PI4K2B: variants seen among roughly 807,000 people sequenced by gnomAD.
PI4K2B encodes the protein phosphatidylinositol 4-kinase type 2-beta.
A neutral mutation model predicts 56.6 loss-of-function variants in PI4K2B; 46 were observed. The ratio of observed to expected loss-of-function variants is 0.81; its 90% CI spans 0.64 to 1.04. PI4K2B has a LOEUF of 1.04. PI4K2B is among the 50% of genes least tolerant of loss of function. The probability of loss-of-function intolerance (pLI) is 0.00; values close to 1 mark genes in which losing one functional copy is unlikely to be tolerated. For missense variants in PI4K2B, 556 were observed against 607.7 expected (o/e 0.91, Z 0.89); for synonymous variants, 211 against 223.8 (o/e 0.94, Z 0.51).
At chr4:25,276,583 A>G (rs1445139001) in intron 9 of PI4K2B, 3 of 860,614 alleles carry the variant, frequency 3.5e-6, no homozygotes, top group Non-Finnish European at 4.2e-6. Context: ...CCTCGCACAT[A>G]GTAGGCATAC....
Position 25,252,470 on chromosome 4 carries a change from A to C in PI4K2B, c.418A>C (p.Lys140Gln). ...SSGSYFVKDP[K>Q]RKIIGVFKPK... ...TGGAAGTTACTTTGTGAAGGATCCT[A>C]AGAGGGTGAGAATTTCACAGACCTA... The change falls in exon 2 of 10, where the codon AAG becomes CAG. Residue 140 changes from lysine to glutamine, a missense_variant. Transcript: ENST00000264864. 2 of 1,604,972 alleles carry C rather than the reference A, an allele frequency of 1.2e-6. No homozygotes were observed. Among genetic ancestry groups the C allele is most frequent in the Non-Finnish European group, 1.7e-6 (2 of 1,171,950 alleles).
At chr4:25,237,698 C>T (rs1212745133) in intron 1 of PI4K2B, among the ~76,000 whole-genome samples, 3 of 152,184 alleles carry the variant, frequency 2.0e-5, no homozygotes, top group Non-Finnish European at 2.9e-5. Context: ...AGAGGCTGGG[C>T]ATGGTGGCTT....
Position 25,234,605 on chromosome 4 carries a change from G to C in PI4K2B, c.268+174G>C, listed in dbSNP as rs1715166750. ...GCCGCAGCCGCACCGCGGGCACCTA[G>C]CTTGCTCGCTCTTTCTCCGGGAGCT... On this transcript the variant is annotated intron_variant, in intron 1 of 9. Transcript: ENST00000264864. Among the ~76,000 whole-genome samples the C allele has an allele frequency of 3.3e-5, 5 of 152,238 alleles. No homozygotes were observed. In the South Asian group the frequency reaches 6.2e-4, roughly 19 times the overall value.
Position 25,255,103 on chromosome 4 carries a change from T to C in PI4K2B, c.462T>C (p.Pro154=), listed in dbSNP as rs113441681. The C allele has an allele frequency of 6.2e-7, 1 of 1,614,040 alleles. No individual in the cohort carries two copies. Among genetic ancestry groups the C allele is most frequent in the Non-Finnish European group, 8.5e-7 (1 of 1,179,902 alleles). ...TGTTTAAACCCAAATCAGAAGAGCC[T>C]TATGGTCAACTCAATCCAAAATGGA... ...IGVFKPKSEE[P]YGQLNPKWTK... Residue 154 remains proline, a synonymous_variant, in exon 3 of 10, where the codon CCT becomes CCC. Coordinates refer to ENST00000264864, the MANE Select transcript of PI4K2B (RefSeq NM_018323.4).
chr4:25,255,308 A>G (rs1327486831), intron 3 of PI4K2B, 43 bp downstream of exon 3: 1 of 1,457,788 alleles, frequency 6.9e-7, no homozygotes, highest in Non-Finnish European at 9.6e-7. Context: ...TTAATTTACA[A>G]CCTGCTTATA....
intron 7 of PI4K2B, among the ~76,000 whole-genome samples, chr4:25,266,755 T>C (rs924476964): frequency 2.6e-5 from 4 of 152,240 alleles, no homozygotes; most frequent in African/African-American, 9.6e-5. Context: ...TTTCTTTCTT[T>C]TTTTTGGTTT....
At chr4:25,242,445 A>C (rs1715566549) in intron 1 of PI4K2B, among the ~76,000 whole-genome samples, 1 of 152,240 alleles carries the variant, frequency 6.6e-6, no homozygotes, top group Non-Finnish European at 1.5e-5. Flanking sequence ...ACTGGGAGTC[A>C]GAGTGCAGGG....
rs376729377 is a variant in PI4K2B at position 25,254,659 on chromosome 4, C to T, written c.424-406C>T. 3.6e-3 allele frequency among the ~76,000 whole-genome samples: 543 copies of T among 152,136 alleles called. 3 individuals are homozygous for T. The highest frequency in any genetic ancestry group is 0.012 in the African/African-American group (495 of 41,482). On this transcript the variant is annotated intron_variant, in intron 2 of 9. Coordinates refer to ENST00000264864, the MANE Select transcript of PI4K2B (RefSeq NM_018323.4). ...CGATCTCCTGACCTCATGATCCGCC[C>T]GCCTCGGCCTCCCAAAGTGCTGGAT...
chr4:25,242,004 G>T (rs1715546379), intron 1 of PI4K2B, among the ~76,000 whole-genome samples: 1 of 152,146 alleles, frequency 6.6e-6, no homozygotes, highest in African/African-American at 2.4e-5. Flanking sequence ...TGTATCCAGG[G>T]ATGCATAGTC....
At chr4:25,252,846 C>A (rs997899068) in intron 2 of PI4K2B, among the ~76,000 whole-genome samples, 2 of 152,172 alleles carry the variant, frequency 1.3e-5, no homozygotes, top group Non-Finnish European at 1.5e-5. Context: ...AACTCCTGGG[C>A]TCAAGCAAAC....
At chr4:25,256,251 C>G (rs912552903) in intron 3 of PI4K2B, among the ~76,000 whole-genome samples, 2 of 152,196 alleles carry the variant, frequency 1.3e-5, no homozygotes, top group South Asian at 2.1e-4. Flanking sequence ...TTACTTGAAG[C>G]CTTCTTCCTT....
At chr4:25,268,630 A>G (rs776108858) in intron 8 of PI4K2B, 54 bp downstream of exon 8, 9 of 1,268,758 alleles carry the variant, frequency 7.1e-6, no homozygotes, top group Non-Finnish European at 9.9e-6. Flanking sequence ...AAAATAGAAG[A>G]GACTGCTTAA....
chr4:25,252,235 C>A, intron 1 of PI4K2B, 86 bp from the exon 2 acceptor site: 1 of 854,512 alleles, frequency 1.2e-6, no homozygotes, highest in Non-Finnish European at 1.8e-6. Flanking sequence ...TTTTTCTGTA[C>A]CTTATATCCT....
At position 25,236,689 on chromosome 4, in the gene PI4K2B, AAGTCAAATATCC is replaced by A. The variant is rs1170432680; in HGVS notation, c.268+2261_268+2272del. ...TCTTCAGAGGTAAATGGTTTGCCCGAAGTCAAATATCCAGGAAGTAATAAATCAGGAGGAAGC... is the reference window on the plus strand; with the variant it reads ...TCTTCAGAGGTAAATGGTTTGCCCGAAGGAAGTAATAAATCAGGAGGAAGC... On this transcript the variant is annotated intron_variant, in intron 1 of 9. Coordinates refer to ENST00000264864, the MANE Select transcript of PI4K2B (RefSeq NM_018323.4). 2.0e-5 allele frequency among the ~76,000 whole-genome samples: 3 copies of A among 152,204 alleles called. No homozygotes were observed. In the East Asian group the frequency reaches 5.8e-4, roughly 29 times the overall value.
In PI4K2B at chr4:25,277,312, T is replaced by C; in HGVS notation, c.*125T>C. 8.6e-7 allele frequency: 1 copy of C among 1,168,128 alleles called. No individual in the cohort carries two copies. Among genetic ancestry groups the C allele is most frequent in the African/African-American group, 1.5e-5 (1 of 65,752 alleles). The allele number at this position is 1,168,128 out of a possible 1,614,324, so 72.4% of individuals were successfully genotyped here. A position where few individuals can be genotyped will look rare whatever the true frequency, so the allele number is the denominator to read the frequency against. On this transcript the variant is annotated 3_prime_UTR_variant, in exon 10 of 10. Coordinates refer to ENST00000264864, the MANE Select transcript of PI4K2B (RefSeq NM_018323.4). Reference sequence around the variant, plus strand: ...CTCAATTTAAGTCTTTAAAAGGTTGTATTTTGAATGTAACCAAAAGTTTAC... The same window carrying C: ...CTCAATTTAAGTCTTTAAAAGGTTGCATTTTGAATGTAACCAAAAGTTTAC...
At chr4:25,258,852 T>C (rs1340912642) in intron 4 of PI4K2B, among the ~76,000 whole-genome samples, 185 bp from the exon 5 acceptor site, 1 of 152,224 alleles carries the variant, frequency 6.6e-6, no homozygotes, top group Non-Finnish European at 1.5e-5. Context: ...ATGTATTCTT[T>C]ATGTGATTAT....
intron 7 of PI4K2B, among the ~76,000 whole-genome samples, chr4:25,264,334 T>C (rs1577694326): frequency 6.6e-6 from 1 of 152,176 alleles, no homozygotes; most frequent in East Asian, 1.9e-4. Context: ...AAATTTTCCA[T>C]GATTTCTTGA....
intron 9 of PI4K2B, among the ~76,000 whole-genome samples, chr4:25,274,473 T>C (rs1028765938): frequency 6.6e-6 from 1 of 152,190 alleles, no homozygotes; most frequent in Non-Finnish European, 1.5e-5. Flanking sequence ...AACTAGGTGG[T>C]ATGTTGGGGA....
intron 1 of PI4K2B, among the ~76,000 whole-genome samples, chr4:25,245,054 A>T (rs139171721): frequency 0.031 from 4,779 of 152,212 alleles, 122 homozygotes; most frequent in African/African-American, 0.063. Context: ...TTATATGAAT[A>T]GGAAGGATAC....
Sources: allele counts gnomAD v4.1 joint callset (sites outside exome capture counted in the v4.1 genomes callset), GRCh38; gene constraint gnomAD v4.1.1; transcripts MANE v1.5; gene names NCBI Gene and HGNC (gene_info 2026-07-23, HGNC 2026-07-21).